The following MALRD1 variants were observed in gnomAD, a reference collection of about 807,000 sequenced individuals.
MALRD1 encodes MAM and LDL receptor class A domain containing 1, also known as MAM and LDL-receptor class A domain-containing protein 1.
In MALRD1, 247 loss-of-function variants were observed where a neutral mutation model predicts 242.1. The ratio of observed to expected loss-of-function variants is 1.02; its 90% CI spans 0.92 to 1.13. MALRD1 has a LOEUF of 1.13. Among genes scored for constraint, MALRD1 ranks in the 50% most tolerant of loss-of-function variants. The pLI is 0.00. For missense variants in MALRD1, 2,989 were observed against 2,533.1 expected (o/e 1.18, Z -3.86); for synonymous variants, 995 against 866.6 (o/e 1.15, Z -2.60).
chr10:19,384,651 A>G (rs1286771595), intron 26 of MALRD1, among the ~76,000 whole-genome samples: 5 of 134,286 alleles, frequency 3.7e-5, no homozygotes, highest in African/African-American at 1.1e-4. Flanking sequence ...TAGTATATAT[A>G]ATATAATATT....
At chr10:19,193,598 A>G (rs1453902246) in intron 14 of MALRD1, among the ~76,000 whole-genome samples, 1 of 152,156 alleles carries the variant, frequency 6.6e-6, no homozygotes, top group Non-Finnish European at 1.5e-5. Context: ...ATTGTGCTAC[A>G]AGACATGGGA....
Position 19,387,765 on chromosome 10 carries a change from A to C in MALRD1, c.4679A>C (p.Asn1560Thr). The change falls in exon 27 of 40, where the codon AAT becomes ACT. Residue 1560 changes from asparagine to threonine, a missense_variant. By Grantham distance (65) the Asn-to-Thr change is moderately conservative. Coordinates refer to ENST00000454679, the MANE Select transcript of MALRD1 (RefSeq NM_001142308.3). Reference protein sequence around the residue: ...LRPPKDHTLGNENGHFMYLEA... With the variant: ...LRPPKDHTLGTENGHFMYLEA... ...CCTCCCAAAGACCACACACTTGGAA[A>C]TGAAAATGGTAGGTTATTAGATTGT... The C allele has an allele frequency of 1.3e-6, 2 of 1,547,574 alleles. No individual in the cohort carries two copies. The highest frequency in any genetic ancestry group is 2.4e-5 in the East Asian group (1 of 40,886).
At position 19,685,696 on chromosome 10, in the gene MALRD1, C is replaced by A. The variant is rs553800865; in HGVS notation, c.6138-6586C>A. Among the ~76,000 whole-genome samples the A allele has an allele frequency of 2.0e-5, 3 of 152,288 alleles. No homozygotes were observed. The South Asian group carries it at 6.2e-4, about 32-fold the overall frequency. ...CCTATCAATTGATTTTATCCCTAGG[C>A]TGCTTATTGTAGCAGCCTAGCAGAT... On this transcript the variant is annotated intron_variant, in intron 36 of 39. Coordinates refer to ENST00000454679, the MANE Select transcript of MALRD1 (RefSeq NM_001142308.3).
intron 29 of MALRD1, among the ~76,000 whole-genome samples, chr10:19,460,346 A>G (rs1298170585): frequency 6.6e-6 from 1 of 152,160 alleles, no homozygotes; most frequent in African/African-American, 2.4e-5. Context: ...AACCAAATCT[A>G]CAGATATTTA....
intron 1 of MALRD1, among the ~76,000 whole-genome samples, chr10:19,050,146 G>A (rs1834444716): frequency 1.4e-5 from 2 of 143,442 alleles, no homozygotes; most frequent in Non-Finnish European, 3.0e-5. Flanking sequence ...GGAGTGCAGT[G>A]GCGGGATCTC....
At chr10:19,409,328 A>T (rs1442037220) in intron 28 of MALRD1, among the ~76,000 whole-genome samples, 1 of 152,124 alleles carries the variant, frequency 6.6e-6, no homozygotes, top group Non-Finnish European at 1.5e-5. Context: ...AGTGGCTTAC[A>T]CCTGTACTCT....
chr10:19,231,136 C>T (rs531493995), intron 18 of MALRD1, among the ~76,000 whole-genome samples: 2 of 152,234 alleles, frequency 1.3e-5, no homozygotes, highest in African/African-American at 2.4e-5. Context: ...GGGGACAACT[C>T]GTATCTGAAG....
rs1360482439 is a variant in MALRD1 at position 19,146,217 on chromosome 10, C to G, written c.1431C>G (p.Asp477Glu). 1.2e-5 allele frequency: 15 copies of G among 1,231,660 alleles called. No homozygotes were observed. The highest frequency in any genetic ancestry group is 1.5e-5 in the Non-Finnish European group (15 of 987,948). The allele number at this position is 1,231,660 out of a possible 1,614,324, so 76.3% of individuals were successfully genotyped here. A position where few individuals can be genotyped will look rare whatever the true frequency, so the allele number is the denominator to read the frequency against. ...PATCSKHLTCDFESGFCGWEP... is the reference protein window; with the variant it reads ...PATCSKHLTCEFESGFCGWEP... ...TAACAGCAAAGCATCTCACCTGTGA[C>G]TTTGAGTCGGGTTTCTGCGGTTGGG... is the stretch of plus-strand genomic sequence containing the variant. Residue 477 changes from aspartate (D) to glutamate (E), a missense_variant, in exon 11 of 40, where the codon GAC becomes GAG. By Grantham distance (45) the Asp-to-Glu change is conservative. Transcript: ENST00000454679.
intron 36 of MALRD1, among the ~76,000 whole-genome samples, chr10:19,688,704 C>T (rs575393252): frequency 6.6e-6 from 1 of 152,346 alleles, no homozygotes; most frequent in Admixed American, 6.5e-5. Flanking sequence ...TCTTTCACTG[C>T]TGTTGCTCAA....
At chr10:19,248,523 G>T (rs1017681427) in intron 18 of MALRD1, among the ~76,000 whole-genome samples, 1 of 151,798 alleles carries the variant, frequency 6.6e-6, no homozygotes, top group Non-Finnish European at 1.5e-5. Context: ...GTTTAAATTG[G>T]TTTTGTATTA....
intron 34 of MALRD1, among the ~76,000 whole-genome samples, chr10:19,602,340 C>T (rs1384642989): frequency 8.5e-6 from 1 of 118,316 alleles, no homozygotes; most frequent in Non-Finnish European, 1.7e-5. Flanking sequence ...TGCTATCCCT[C>T]CCCCCTCCCC....
chr10:19,319,677 G>A (rs1842839707), intron 21 of MALRD1, among the ~76,000 whole-genome samples: 1 of 152,040 alleles, frequency 6.6e-6, no homozygotes, highest in South Asian at 2.1e-4. Context: ...CATGGATGGT[G>A]CCTGCTTGCT....
intron 26 of MALRD1, among the ~76,000 whole-genome samples, chr10:19,385,847 C>T (rs887565668): frequency 6.6e-6 from 1 of 151,910 alleles, no homozygotes; most frequent in African/African-American, 2.4e-5. Context: ...TCTTTTTTAA[C>T]GTAGGTATTT....
intron 26 of MALRD1, among the ~76,000 whole-genome samples, chr10:19,372,976 T>G (rs1164414668): frequency 6.6e-6 from 1 of 151,930 alleles, no homozygotes; most frequent in African/African-American, 2.4e-5. Flanking sequence ...ATAATCTTTG[T>G]GAAGATAATT....
intron 36 of MALRD1, among the ~76,000 whole-genome samples, chr10:19,673,551 C>T (rs950169736): frequency 1.3e-5 from 2 of 152,168 alleles, no homozygotes; most frequent in Non-Finnish European, 2.9e-5. Context: ...ACACTGTTTT[C>T]AGATTTTCTT....
At chr10:19,138,169 A>C (rs1375411113) in intron 10 of MALRD1, among the ~76,000 whole-genome samples, 2 of 77,768 alleles carry the variant, frequency 2.6e-5, no homozygotes, top group Non-Finnish European at 2.6e-5. Flanking sequence ...CTTCAGCTTT[A>C]AACCAAGTAA....
At chr10:19,520,905 TACC>T (rs1410095398) in intron 31 of MALRD1, among the ~76,000 whole-genome samples, 5 of 152,198 alleles carry the variant, frequency 3.3e-5, no homozygotes, top group Non-Finnish European at 7.4e-5. Context: ...CTGAATCAGA[TACC>T]CAATCAAATA....
chr10:19,590,571 T>G (rs972336952), intron 33 of MALRD1, among the ~76,000 whole-genome samples: 3 of 151,974 alleles, frequency 2.0e-5, no homozygotes, highest in African/African-American at 7.2e-5. Context: ...AACATAAAAA[T>G]GAATCTAGTT....
intron 11 of MALRD1, among the ~76,000 whole-genome samples, chr10:19,152,276 G>A (rs1396243687): frequency 1.3e-5 from 2 of 152,132 alleles, no homozygotes; most frequent in African/African-American, 2.4e-5. Flanking sequence ...CAAGGGACGT[G>A]TTCCTAGAAG....
Sources: allele counts gnomAD v4.1 joint callset (sites outside exome capture counted in the v4.1 genomes callset), GRCh38; gene constraint gnomAD v4.1.1; transcripts MANE v1.5; gene names NCBI Gene and HGNC (gene_info 2026-07-23, HGNC 2026-07-21).